The following ANO3 variants were observed in gnomAD, a reference collection of about 807,000 sequenced individuals.
ANO3 encodes anoctamin 3, also known as anoctamin-3.
In ANO3, 99 loss-of-function variants were observed where a neutral mutation model predicts 144.8. The ratio of observed to expected loss-of-function variants is 0.68; its 90% CI spans 0.58 to 0.81. The LOEUF (loss-of-function observed/expected upper bound fraction) is 0.81, where lower values mean the gene tolerates loss of function less well. Ranked by LOEUF, ANO3 falls within the 30% of genes least tolerant of loss-of-function variation. The probability of loss-of-function intolerance (pLI) is 0.00; values close to 1 mark genes in which losing one functional copy is unlikely to be tolerated. For synonymous variants in ANO3, 414 were observed against 392.6 expected, an observed-to-expected ratio of 1.05 and a Z score of -0.64; for missense variants, 905 against 1,202.2, an observed-to-expected ratio of 0.75 and a Z score of 3.66.
chr11:26,649,858 C>T (rs1853471465), intron 24 of ANO3, among the ~76,000 whole-genome samples: 1 of 152,070 alleles, frequency 6.6e-6, no homozygotes, highest in South Asian at 2.1e-4. Context: ...TTTAAAAACC[C>T]TGTTTTTTCT....
At chr11:26,605,863 G>A (rs1851920933) in intron 17 of ANO3, among the ~76,000 whole-genome samples, 1 of 140,494 alleles carries the variant, frequency 7.1e-6, no homozygotes, top group Non-Finnish European at 1.6e-5. Flanking sequence ...AGTCTATTTT[G>A]TTAATCTTTT....
chr11:26,351,294 C>T (rs1417030858), intron 1 of ANO3, among the ~76,000 whole-genome samples: 4 of 151,994 alleles, frequency 2.6e-5, no homozygotes, highest in African/African-American at 7.2e-5. Context: ...CCCTAAATCA[C>T]GTTTTTAACT....
chr11:26,555,662 CT>C, intron 13 of ANO3, among the ~76,000 whole-genome samples: 1 of 152,198 alleles, frequency 6.6e-6, no homozygotes, highest in East Asian at 1.9e-4. Context: ...GATGAAATGT[CT>C]TTTATTTGTT....
At chr11:26,569,008 G>T (rs532442460) in intron 14 of ANO3, among the ~76,000 whole-genome samples, 1 of 151,722 alleles carries the variant, frequency 6.6e-6, no homozygotes, top group Non-Finnish European at 1.5e-5. Context: ...GGTCACCAGT[G>T]GGGGGAAAAA....
At chr11:26,204,674 G>T (rs1485664541) in intron 1 of ANO3, among the ~76,000 whole-genome samples, 1 of 152,090 alleles carries the variant, frequency 6.6e-6, no homozygotes. Context: ...GTTTGAGATA[G>T]GGGAGTTGTA....
rs149800844 is a variant in ANO3 at position 26,592,402 on chromosome 11, G to A, written c.1448-5963G>A. Among the ~76,000 whole-genome samples the A allele has an allele frequency of 4.4e-3, 668 of 151,992 alleles. 14 individuals carry two copies. Among genetic ancestry groups the A allele is most frequent in the East Asian group, 0.011 (55 of 5,150 alleles). On this transcript the variant is annotated intron_variant, in intron 14 of 26. Coordinates refer to ENST00000256737, the MANE Select transcript of ANO3 (RefSeq NM_031418.4). ...CCTGGGTTACTGAAGCCTTGAAAGC[G>A]GTGCCATTGACACTCTGTAAGCCTT...
chr11:26,244,320 A>C (rs1320296784), intron 1 of ANO3, among the ~76,000 whole-genome samples: 1 of 152,178 alleles, frequency 6.6e-6, no homozygotes, highest in Non-Finnish European at 1.5e-5. Flanking sequence ...GCAATCTACA[A>C]TAACATAGTA....
At chr11:26,443,092 C>A (rs115815373) in intron 2 of ANO3, among the ~76,000 whole-genome samples, 1,817 of 152,072 alleles carry the variant, frequency 0.012, 42 homozygotes, top group African/African-American at 0.041. Context: ...CCTTTTGTTG[C>A]TTTTTCTTAT....
At chr11:26,577,024 C>T (rs1364288410) in intron 14 of ANO3, among the ~76,000 whole-genome samples, 1 of 151,792 alleles carries the variant, frequency 6.6e-6, no homozygotes, top group East Asian at 1.9e-4. Context: ...TTTTTTTTCA[C>T]TTAAGGACAT....
rs192811649 is a variant in ANO3 at position 26,193,386 on chromosome 11, C to A, written c.154+4056C>A. Among the ~76,000 whole-genome samples, 196 of 152,078 alleles carry A rather than the reference C, an allele frequency of 1.3e-3. 1 individual carries two copies. Among genetic ancestry groups the A allele is most frequent in the African/African-American group, 4.5e-3 (187 of 41,482 alleles). ...CAAACTCCTGACCTCAGGTGCCACC[C>A]GCCTCAGCCTCCCAAAGTGCTGGGA... is the stretch of plus-strand genomic sequence containing the variant. On this transcript the variant is annotated intron_variant, in intron 1 of 27. Transcript: ENST00000672621.
chr11:26,425,879 T>A (rs1050519714), intron 1 of ANO3, among the ~76,000 whole-genome samples: 1 of 151,888 alleles, frequency 6.6e-6, no homozygotes, highest in Non-Finnish European at 1.5e-5. Flanking sequence ...GTTTTAGGAG[T>A]TTTCAATTGG....
intron 1 of ANO3, among the ~76,000 whole-genome samples, chr11:26,403,857 C>T (rs1857210461): frequency 6.6e-6 from 1 of 151,836 alleles, no homozygotes; most frequent in South Asian, 2.1e-4. Context: ...GACCTTTACA[C>T]TTGTTTTGCA....
At position 26,226,381 on chromosome 11, in the gene ANO3, G is replaced by A. The variant is rs1219262600; in HGVS notation, c.154+37051G>A. Among the ~76,000 whole-genome samples, 3 of 151,670 alleles carry A rather than the reference G, an allele frequency of 2.0e-5. No individual in the cohort carries two copies. In the Middle Eastern group the frequency reaches 0.01, roughly 519 times the overall value. On this transcript the variant is annotated intron_variant, in intron 1 of 27. Coordinates refer to the ANO3 transcript ENST00000672621. ...ATTTTCCCTAGTTCTTTCAATTTTG[G>A]TTATAAACATATTTTCTGTTAAAGA...
intron 1 of ANO3, among the ~76,000 whole-genome samples, chr11:26,199,868 C>T (rs551426219): frequency 1.3e-5 from 2 of 152,260 alleles, no homozygotes; most frequent in South Asian, 4.1e-4. Context: ...TCCTTTGTCT[C>T]TTTCTCAATT....
At chr11:26,365,969 TATATATATATATATATATATA>T (rs1344280816) in intron 1 of ANO3, among the ~76,000 whole-genome samples, 26 of 6,190 alleles carry the variant, frequency 4.2e-3, no homozygotes, top group African/African-American at 7.1e-3. Flanking sequence ...TATATATATA[TATATATATATATATATATATA>T]TATATATATA....
chr11:26,321,300 C>G (rs1235399867), intron 1 of ANO3, among the ~76,000 whole-genome samples: 1 of 151,954 alleles, frequency 6.6e-6, no homozygotes, highest in Non-Finnish European at 1.5e-5. Context: ...TTTTACATCC[C>G]CTACTCCCAA....
intron 1 of ANO3, among the ~76,000 whole-genome samples, chr11:26,300,641 T>C (rs73441530): frequency 0.062 from 9,489 of 152,100 alleles, 567 homozygotes; most frequent in African/African-American, 0.15. Flanking sequence ...CTTCTAGAAG[T>C]TTCCCTTATA....
intron 17 of ANO3, among the ~76,000 whole-genome samples, chr11:26,620,584 C>T: frequency 6.6e-6 from 1 of 151,776 alleles, no homozygotes; most frequent in Non-Finnish European, 1.5e-5. Context: ...TTTTAAAATC[C>T]ATGTATCATG....
At chr11:26,242,565 A>C (rs1852685629) in intron 1 of ANO3, among the ~76,000 whole-genome samples, 1 of 152,080 alleles carries the variant, frequency 6.6e-6, no homozygotes, top group African/African-American at 2.4e-5. Context: ...CATTCTGTAC[A>C]TCCATTAATA....
Sources: allele counts gnomAD v4.1 joint callset (sites outside exome capture counted in the v4.1 genomes callset), GRCh38; gene constraint gnomAD v4.1.1; transcripts MANE v1.5; gene names NCBI Gene and HGNC (gene_info 2026-07-23, HGNC 2026-07-21).